Variants in GDPD4 observed in about 807,000 individuals in gnomAD.
GDPD4 encodes glycerophosphodiester phosphodiesterase domain containing 4, also known as glycerophosphodiester phosphodiesterase 6.
Under a neutral mutation model 67.8 loss-of-function variants are expected in GDPD4, and 60 were observed. The observed-to-expected ratio is 0.88, with a 90% CI of 0.72 to 1.10. The LOEUF (loss-of-function observed/expected upper bound fraction) is 1.10, where lower values mean the gene tolerates loss of function less well. GDPD4 is among the 50% of genes least tolerant of loss of function. GDPD4 has a pLI of 0.00. For missense variants in GDPD4, 623 were observed against 613.9 expected (o/e 1.01, Z -0.16); for synonymous variants, 212 against 210.9 (o/e 1.00, Z -0.04).
chr11:77,274,864 G>C (rs1291980414), intron 5 of GDPD4, among the ~76,000 whole-genome samples: 2 of 152,158 alleles, frequency 1.3e-5, no homozygotes, highest in East Asian at 3.9e-4. Context: ...GTAGAGAATA[G>C]AGTGATAGTT....
intron 11 of GDPD4, among the ~76,000 whole-genome samples, chr11:77,253,726 C>G (rs1198090680): frequency 6.6e-6 from 1 of 152,142 alleles, no homozygotes; most frequent in Non-Finnish European, 1.5e-5. Flanking sequence ...GCAGCCCAGG[C>G]ACCATTTCCC....
intron 5 of GDPD4, among the ~76,000 whole-genome samples, chr11:77,274,022 A>G (rs1418749163): frequency 6.6e-6 from 1 of 152,248 alleles, no homozygotes; most frequent in Non-Finnish European, 1.5e-5. Flanking sequence ...GCCAAGTAGC[A>G]GTACTTAACT....
intron 16 of GDPD4, among the ~76,000 whole-genome samples, chr11:77,222,052 G>GC (rs1958237028): frequency 1.3e-5 from 2 of 152,034 alleles, no homozygotes; most frequent in South Asian, 4.2e-4. Context: ...TGCAACCCCT[G>GC]CTTTTTTGCT....
intron 5 of GDPD4, among the ~76,000 whole-genome samples, chr11:77,275,900 C>T (rs1959443557): frequency 6.6e-6 from 1 of 152,170 alleles, no homozygotes; most frequent in South Asian, 2.1e-4. Flanking sequence ...AACAGGGCTA[C>T]AGATTGAGTT....
chr11:77,257,562 C>T (rs867806388), intron 11 of GDPD4, among the ~76,000 whole-genome samples: 1 of 148,940 alleles, frequency 6.7e-6, no homozygotes, highest in Non-Finnish European at 1.5e-5. Flanking sequence ...TACACACACA[C>T]ACACACACAC....
At chr11:77,256,483 C>G (rs1959006597) in intron 11 of GDPD4, among the ~76,000 whole-genome samples, 1 of 152,174 alleles carries the variant, frequency 6.6e-6, no homozygotes, top group South Asian at 2.1e-4. Flanking sequence ...AATCCACTTT[C>G]AGCTATTTCT....
At chr11:77,256,504 C>T (rs1162050044) in intron 11 of GDPD4, among the ~76,000 whole-genome samples, 1 of 152,168 alleles carries the variant, frequency 6.6e-6, no homozygotes, top group East Asian at 1.9e-4. Flanking sequence ...TATATCAATA[C>T]TAATTAATAC....
intron 10 of GDPD4, among the ~76,000 whole-genome samples, chr11:77,266,976 T>C (rs1302781621): frequency 6.6e-6 from 1 of 152,188 alleles, no homozygotes; most frequent in East Asian, 1.9e-4. Flanking sequence ...CATAATGTCC[T>C]AGGCCTTCCC....
chr11:77,292,407 T>C (rs1043004293), intron 1 of GDPD4, among the ~76,000 whole-genome samples: 1 of 152,136 alleles, frequency 6.6e-6, no homozygotes, highest in Middle Eastern at 3.4e-3. Context: ...TTGAACTGAA[T>C]AGAAATGAAA....
chr11:77,219,342 C>T (rs1958184241), intron 16 of GDPD4, among the ~76,000 whole-genome samples: 2 of 152,216 alleles, frequency 1.3e-5, no homozygotes, highest in African/African-American at 4.8e-5. Flanking sequence ...TACCTGTTCA[C>T]TCCGATGGCA....
chr11:77,238,008 A>G (rs1958596687), intron 13 of GDPD4, among the ~76,000 whole-genome samples: 1 of 152,220 alleles, frequency 6.6e-6, no homozygotes, highest in African/African-American at 2.4e-5. Flanking sequence ...TCTACCCTAA[A>G]AAAGCCATCT....
chr11:77,270,423 A>G (rs117872677), intron 7 of GDPD4, among the ~76,000 whole-genome samples: 1,596 of 152,300 alleles, frequency 0.01, 10 homozygotes, highest in Non-Finnish European at 0.018. Flanking sequence ...TATTAGTTGA[A>G]ACTACTAATA....
chr11:77,292,122 A>C (rs1314728544), intron 1 of GDPD4, among the ~76,000 whole-genome samples: 2 of 129,088 alleles, frequency 1.5e-5, no homozygotes, highest in Non-Finnish European at 3.1e-5. Context: ...GCAAAATGAC[A>C]AAAAAAAACC....
At position 77,245,722 on chromosome 11, in the gene GDPD4, T is replaced by C. The variant is rs971571561; in HGVS notation, c.865-220A>G. Among the ~76,000 whole-genome samples, 20 of 152,194 alleles carry C rather than the reference T, an allele frequency of 1.3e-4. 2 individuals carry two copies. The highest frequency in any genetic ancestry group is 1.1e-3 in the Admixed American group (17 of 15,272). Reference sequence around the variant, plus strand: ...GGTCTCTTCTATATCCTACAACCTGTTGTATTTGCACTGAAGGTCATGTTC... The same window carrying C: ...GGTCTCTTCTATATCCTACAACCTGCTGTATTTGCACTGAAGGTCATGTTC... On this transcript the variant is annotated intron_variant, in intron 11 of 16. Coordinates refer to ENST00000315938, the MANE Select transcript of GDPD4 (RefSeq NM_182833.3).
At chr11:77,270,439 C>T (rs369807919) in intron 7 of GDPD4, among the ~76,000 whole-genome samples, 1 of 152,130 alleles carries the variant, frequency 6.6e-6, no homozygotes, top group South Asian at 2.1e-4. Context: ...TAATATTTGC[C>T]GGGCGCAGTG....
At chr11:77,226,475 CAGTG>C (rs1284018895) in intron 16 of GDPD4, among the ~76,000 whole-genome samples, 1 of 152,162 alleles carries the variant, frequency 6.6e-6, no homozygotes, top group Non-Finnish European at 1.5e-5. Context: ...TGTGAACACA[CAGTG>C]AGAAGGCAGC....
At chr11:77,277,440 G>A (rs1230345425) in intron 4 of GDPD4, among the ~76,000 whole-genome samples, 9 of 106,888 alleles carry the variant, frequency 8.4e-5, no homozygotes, top group African/African-American at 2.5e-4. Context: ...TCGCTCTGTC[G>A]TCCAGGCTGG....
At chr11:77,254,122 G>A (rs532873087) in intron 11 of GDPD4, among the ~76,000 whole-genome samples, 4 of 152,284 alleles carry the variant, frequency 2.6e-5, no homozygotes, top group South Asian at 2.1e-4. Flanking sequence ...TGTAGGCCAC[G>A]GGGCAGGCAC....
At chr11:77,295,414 T>C (rs974683499) in intron 1 of GDPD4, among the ~76,000 whole-genome samples, 1 of 151,708 alleles carries the variant, frequency 6.6e-6, no homozygotes, top group Non-Finnish European at 1.5e-5. Context: ...AGAGGATCAC[T>C]TGAGCCCAGG....
Sources: allele counts gnomAD v4.1 joint callset (sites outside exome capture counted in the v4.1 genomes callset), GRCh38; gene constraint gnomAD v4.1.1; transcripts MANE v1.5; gene names NCBI Gene and HGNC (gene_info 2026-07-23, HGNC 2026-07-21).